The following RASAL2 variants were observed in gnomAD, a reference collection of about 807,000 sequenced individuals.
The protein encoded by RASAL2 is RAS protein activator like 2, also known as ras GTPase-activating protein nGAP.
In RASAL2, 58 loss-of-function variants were observed where a neutral mutation model predicts 128.9. The ratio of observed to expected loss-of-function variants is 0.45; its 90% CI spans 0.36 to 0.56. The LOEUF (loss-of-function observed/expected upper bound fraction) is 0.56. RASAL2 is among the 20% of genes least tolerant of loss of function. The pLI is 0.00. For synonymous variants in RASAL2, 561 were observed against 580.8 expected, an observed-to-expected ratio of 0.97 and a Z score of 0.49; for missense variants, 1,360 against 1,601.6, an observed-to-expected ratio of 0.85 and a Z score of 2.57.
intron 3 of RASAL2, among the ~76,000 whole-genome samples, chr1:178,351,309 C>T (rs1314765206): frequency 1.3e-5 from 2 of 152,206 alleles, no homozygotes; most frequent in Non-Finnish European, 2.9e-5. Context: ...TACAGTCATG[C>T]CTTCCCAACA....
chr1:178,442,004 AGT>A (rs1222679156), intron 7 of RASAL2, among the ~76,000 whole-genome samples: 2 of 151,828 alleles, frequency 1.3e-5, no homozygotes, highest in African/African-American at 4.8e-5. Context: ...CGAGAGAGAG[AGT>A]GTGTGTGTGA....
chr1:178,445,734 G>C (rs769640121), intron 9 of RASAL2, 72 bp downstream of exon 9: 3 of 1,436,084 alleles, frequency 2.1e-6, no homozygotes, highest in East Asian at 4.9e-5. Context: ...CCCATGAGAC[G>C]AATTGAGCTC....
chr1:178,472,803 T>C (rs142460829), intron 17 of RASAL2, among the ~76,000 whole-genome samples: 7 of 152,322 alleles, frequency 4.6e-5, no homozygotes, highest in South Asian at 2.1e-4. Flanking sequence ...GTATCACTTT[T>C]ACATGACAGT....
At chr1:178,467,032 G>GT (rs930755662) in intron 16 of RASAL2, among the ~76,000 whole-genome samples, 2 of 152,168 alleles carry the variant, frequency 1.3e-5, no homozygotes, top group African/African-American at 4.8e-5. Context: ...AGGGTTGTTT[G>GT]TTTTTTGTTG....
intron 4 of RASAL2, among the ~76,000 whole-genome samples, chr1:178,401,946 A>G (rs931415965): frequency 3.3e-5 from 5 of 152,226 alleles, no homozygotes; most frequent in African/African-American, 1.2e-4. Flanking sequence ...AAGGATTTGT[A>G]CCTAGAATAG....
intron 1 of RASAL2, among the ~76,000 whole-genome samples, chr1:178,237,931 A>G (rs577372596): frequency 6.6e-6 from 1 of 152,178 alleles, no homozygotes; most frequent in African/African-American, 2.4e-5. Flanking sequence ...TTCTGTCTCT[A>G]TGAATTCGAT....
chr1:178,313,728 G>A (rs185594257), intron 3 of RASAL2, among the ~76,000 whole-genome samples: 18 of 152,126 alleles, frequency 1.2e-4, no homozygotes, highest in Admixed American at 2.6e-4. Flanking sequence ...ACGACAGGTG[G>A]GTTTCACACT....
intron 3 of RASAL2, among the ~76,000 whole-genome samples, chr1:178,365,858 C>T (rs1298085257): frequency 1.3e-5 from 2 of 152,104 alleles, no homozygotes; most frequent in African/African-American, 4.8e-5. Flanking sequence ...AATAGTAATC[C>T]TCCAAATATT....
chr1:178,456,892 A>G lies in RASAL2; in HGVS notation c.2383A>G (p.Thr795Ala). Residue 795 changes from threonine to alanine, a missense_variant, in exon 13 of 18, where the codon ACT (threonine) becomes GCT (alanine). Transcript: ENST00000367649. ...GCTGCAGAAAATATTTGAAGACCCC[A>G]CTGACAGGTATGAAAGAGAGAATTT... Reference protein sequence around the residue: ...SGLQKIFEDPTDSDLHKLKSP... With the variant: ...SGLQKIFEDPADSDLHKLKSP... The G allele has an allele frequency of 6.2e-7, 1 of 1,613,814 alleles. No homozygotes were observed. The highest frequency in any genetic ancestry group is 8.5e-7 in the Non-Finnish European group (1 of 1,179,822).
rs78489941 is a variant in RASAL2 at position 178,115,864 on chromosome 1, A to G, written c.202+21170A>G. Among the ~76,000 whole-genome samples the G allele has an allele frequency of 4.3e-3, 656 of 152,106 alleles. 4 individuals carry two copies. Among genetic ancestry groups the G allele is most frequent in the Middle Eastern group, 6.8e-3 (2 of 294 alleles). ...ATTTTGAAAAATATTTTGAAGGTTA[A>G]TATTAATAAGACTTGGTGAGGAATG... On this transcript the variant is annotated intron_variant, in intron 1 of 17. Transcript: ENST00000367649.
rs192838969 is a variant in RASAL2, at chr1:178,191,736, T to C, written c.203-91828T>C. Reference sequence around the variant, plus strand: ...GGCCTCTAGTATAGCAACTGTGATATCAATTCATTTATTTCATTTAAAGAA... The same window carrying C: ...GGCCTCTAGTATAGCAACTGTGATACCAATTCATTTATTTCATTTAAAGAA... On this transcript the variant is annotated intron_variant, in intron 1 of 17. Transcript: ENST00000367649. 2.0e-4 allele frequency among the ~76,000 whole-genome samples: 31 copies of C among 152,304 alleles called. No individual in the cohort carries two copies. The East Asian group carries it at 5.4e-3, about 27-fold the overall frequency.
chr1:178,404,197 G>GCTGAGGCTACA (rs1327498195), intron 4 of RASAL2, among the ~76,000 whole-genome samples: 1 of 146,140 alleles, frequency 6.8e-6, no homozygotes, highest in Admixed American at 6.9e-5. Context: ...TTGCACTCCA[G>GCTGAGGCTACA]CTGAGGCTAC....
intron 1 of RASAL2, among the ~76,000 whole-genome samples, chr1:178,164,508 T>TGTGTGTTC (rs1553255567): frequency 4.3e-5 from 4 of 94,002 alleles, no homozygotes; most frequent in Non-Finnish European, 7.3e-5. Context: ...TGTGTGTGCG[T>TGTGTGTTC]GTGTGTGTGT....
chr1:178,203,197 A>G (rs1474454342), intron 1 of RASAL2, among the ~76,000 whole-genome samples: 2 of 152,178 alleles, frequency 1.3e-5, no homozygotes, highest in African/African-American at 2.4e-5. Flanking sequence ...TGCCTTATCC[A>G]CTGTCATGGT....
chr1:178,150,751 A>C (rs993726240), intron 1 of RASAL2, among the ~76,000 whole-genome samples: 5 of 152,138 alleles, frequency 3.3e-5, no homozygotes, highest in African/African-American at 1.2e-4. Context: ...CCCCCAAATC[A>C]ATACTTGTGT....
chr1:178,334,033 T>A (rs1669468386), intron 3 of RASAL2, among the ~76,000 whole-genome samples: 1 of 152,208 alleles, frequency 6.6e-6, no homozygotes, highest in East Asian at 1.9e-4. Flanking sequence ...CTTTGTGGGA[T>A]CATTGTTTTG....
chr1:178,383,522 C>A (rs375792214), intron 3 of RASAL2, among the ~76,000 whole-genome samples: 2 of 152,258 alleles, frequency 1.3e-5, no homozygotes, highest in East Asian at 3.9e-4. Flanking sequence ...CTAACTCTGT[C>A]TTTTAAGTTC....
At chr1:178,404,704 T>G (rs1209222624) in intron 4 of RASAL2, among the ~76,000 whole-genome samples, 1 of 132,564 alleles carries the variant, frequency 7.5e-6, no homozygotes, top group Non-Finnish European at 1.6e-5. Flanking sequence ...TTTTTTTTTT[T>G]TGAGTCTCGC....
Position 178,130,012 on chromosome 1 carries a change from A to G in RASAL2, c.202+35318A>G, listed in dbSNP as rs556296221. Among the ~76,000 whole-genome samples, 3 of 152,340 alleles carry G rather than the reference A, an allele frequency of 2.0e-5. No individual in the cohort carries two copies. The South Asian group carries it at 6.2e-4, about 32-fold the overall frequency. ...GAATTAACATAAGTGTTAGTATTACAGAGTTTCCCTTTTTATGATACACAG... is the reference window on the plus strand; with the variant it reads ...GAATTAACATAAGTGTTAGTATTACGGAGTTTCCCTTTTTATGATACACAG... On this transcript the variant is annotated intron_variant, in intron 1 of 17. Transcript: ENST00000367649.
Sources: gnomAD v4.1 joint callset for allele counts (sites outside exome capture counted in the v4.1 genomes callset) on GRCh38, gnomAD v4.1.1 for gene constraint, MANE v1.5 for transcripts, NCBI Gene and HGNC (gene_info 2026-07-23, HGNC 2026-07-21) for gene names.